The following LHX4 variants were observed in gnomAD, a reference collection of about 807,000 sequenced individuals.
LHX4 encodes LIM/homeobox protein Lhx4.
LHX4 carries 16 observed loss-of-function variants against 39.2 expected under a neutral mutation model. That is an observed-to-expected ratio of 0.41 (90% CI 0.28 to 0.62). LHX4 has a LOEUF of 0.62. Ranked by LOEUF, LHX4 falls within the 20% of genes least tolerant of loss-of-function variation. The pLI is 0.33. For synonymous variants in LHX4, 206 were observed against 198.1 expected (o/e 1.04, Z -0.33); for missense variants, 439 against 511.9 (o/e 0.86, Z 1.37).
intron 1 of LHX4, among the ~76,000 whole-genome samples, chr1:180,243,161 G>T (rs1292724375): frequency 1.3e-5 from 2 of 151,934 alleles, no homozygotes; most frequent in East Asian, 1.9e-4. Context: ...GCTAATTTTT[G>T]TTTTTTTAGT....
chr1:180,229,653 C>T, upstream of LHX4, among the ~76,000 whole-genome samples: 1 of 151,672 alleles, frequency 6.6e-6, no homozygotes, highest in Non-Finnish European at 1.5e-5. Flanking sequence ...TCATCGGTTA[C>T]GGAGCGCGCT....
intron 3 of LHX4, chr1:180,270,961 G>A (rs958747755): frequency 1.6e-5 from 5 of 311,270 alleles, no homozygotes; most frequent in Non-Finnish European, 3.2e-5. Flanking sequence ...GAGACAGAGG[G>A]GAGGGCATCT....
At chr1:180,259,840 C>T (rs139668238) in intron 2 of LHX4, among the ~76,000 whole-genome samples, 9 of 151,696 alleles carry the variant, frequency 5.9e-5, no homozygotes, top group African/African-American at 2.2e-4. Context: ...TTGTGTGAGT[C>T]AGTGCCCTGG....
chr1:180,230,786 T>C lies in LHX4; in HGVS notation c.76+181T>C, dbSNP rs2149250461. ...TTGAGGGGGCCAGGCTCTTGGCTGT[T>C]TGGGGCCGAATGTGAACGCCTCCTG... On this transcript the variant is annotated intron_variant, in intron 1 of 5. Coordinates refer to ENST00000263726, the MANE Select transcript of LHX4 (RefSeq NM_033343.4). This position sits in a 1 kb window ranked among gnomAD's most constrained non-coding sequence, Gnocchi z 5.8. Among the ~76,000 whole-genome samples, 1 of 152,200 alleles carries C rather than the reference T, an allele frequency of 6.6e-6. No individual in the cohort carries two copies. The highest frequency in any genetic ancestry group is 6.5e-5 in the Admixed American group (1 of 15,302).
intron 2 of LHX4, among the ~76,000 whole-genome samples, chr1:180,250,585 C>T (rs984473420): frequency 2.0e-5 from 3 of 152,202 alleles, no homozygotes; most frequent in Non-Finnish European, 4.4e-5. Flanking sequence ...GACCTCAGAC[C>T]CCACTGGTTT....
Position 180,278,483 on chromosome 1 carries a change from A to G in LHX4, c.*3904A>G, listed in dbSNP as rs1020705944. On this transcript the variant is annotated 3_prime_UTR_variant, in exon 6 of 6. Transcript: ENST00000263726. ...TGCTTGGTAGGACCACACTAAAAGC[A>G]CAGTTTCATGCTGCTAGCTCTGGTA... is the stretch of plus-strand genomic sequence containing the variant. 6.6e-6 allele frequency: 1 copy of G among 152,100 alleles called. No individual in the cohort carries two copies. The highest frequency in any genetic ancestry group is 2.4e-5 in the African/African-American group (1 of 41,380). The allele number at this position is 152,100 out of a possible 1,614,324, so 9.4% of individuals were successfully genotyped here.
chr1:180,264,378 A>AACACACACACACACAC (rs10561933), intron 2 of LHX4, among the ~76,000 whole-genome samples: 1,712 of 145,350 alleles, frequency 0.012, 18 homozygotes, highest in Middle Eastern at 0.018. Flanking sequence ...ACACACACAT[A>AACACACACACACACAC]ACACACACAC....
At position 180,267,179 on chromosome 1, in the gene LHX4, C is replaced by T. The variant is rs559423279; in HGVS notation, c.451+585C>T. ...GTGAGTGCTAAAAGAAGAGGCAGGA[C>T]ACATGCCAGATTCAGGGAGGCTCCG... is the stretch of plus-strand genomic sequence containing the variant. On this transcript the variant is annotated intron_variant, in intron 3 of 5. Coordinates refer to ENST00000263726, the MANE Select transcript of LHX4 (RefSeq NM_033343.4). 2.6e-5 allele frequency among the ~76,000 whole-genome samples: 4 copies of T among 152,326 alleles called. No individual in the cohort carries two copies. In the South Asian group the frequency reaches 6.2e-4, roughly 24 times the overall value.
intron 2 of LHX4, among the ~76,000 whole-genome samples, chr1:180,262,594 T>C (rs1241854164): frequency 6.6e-6 from 1 of 151,994 alleles, no homozygotes; most frequent in African/African-American, 2.4e-5. Context: ...TGTCCTGTGA[T>C]TTCTACCCAT....
chr1:180,263,522 G>T (rs1648192137), intron 2 of LHX4, among the ~76,000 whole-genome samples: 1 of 152,208 alleles, frequency 6.6e-6, no homozygotes, highest in Admixed American at 6.5e-5. Flanking sequence ...CTCGGCAAGG[G>T]TCCCGCTGGC....
At chr1:180,252,960 T>G (rs1647692379) in intron 2 of LHX4, among the ~76,000 whole-genome samples, 1 of 149,012 alleles carries the variant, frequency 6.7e-6, no homozygotes, top group Non-Finnish European at 1.5e-5. Context: ...TTGTTGTTTT[T>G]GCTGCTTGTG....
rs994373161 is a variant in LHX4 at position 180,276,484 on chromosome 1, C to T, written c.*1905C>T. 2 of 152,176 alleles carry T rather than the reference C, an allele frequency of 1.3e-5. No homozygotes were observed. Among genetic ancestry groups the T allele is most frequent in the African/African-American group, 4.8e-5 (2 of 41,434 alleles). The allele number at this position is 152,176 out of a possible 1,614,324, so 9.4% of individuals were successfully genotyped here. A position where few individuals can be genotyped will look rare whatever the true frequency, so the allele number is the denominator to read the frequency against. On this transcript the variant is annotated 3_prime_UTR_variant, in exon 6 of 6. Coordinates refer to ENST00000263726, the MANE Select transcript of LHX4 (RefSeq NM_033343.4). ...CTTGAGAAGTCTGCAAACATAGACA[C>T]TTCTCTTGAGGTTCCATGTTTATGG...
rs1178686450 is a variant in LHX4 at position 180,234,196 on chromosome 1, TATATATATATATATATATATATATA to T, written c.76+3595_76+3619del. Among the ~76,000 whole-genome samples, 655 of 90,902 alleles carry T rather than the reference TATATATATATATATATATATATATA, an allele frequency of 7.2e-3. 11 individuals are homozygous for T. The highest frequency in any genetic ancestry group is 0.046 in the East Asian group (101 of 2,216). 59.6% of individuals were successfully genotyped at this position (90,902 alleles called of 152,430 possible). A position where few individuals can be genotyped will look rare whatever the true frequency, so the allele number is the denominator to read the frequency against. ...ATATATATATATATATATATATATA[TATATATATATATATATATATATATA>T]ATAGATTGAGATTCTATCATATTCC... On this transcript the variant is annotated intron_variant, in intron 1 of 5. Coordinates refer to ENST00000263726, the MANE Select transcript of LHX4 (RefSeq NM_033343.4). This position sits in a 1 kb window ranked among gnomAD's most constrained non-coding sequence, Gnocchi z 4.8.
intron 2 of LHX4, among the ~76,000 whole-genome samples, chr1:180,264,528 C>T (rs77138926): frequency 1.3e-5 from 2 of 152,268 alleles, no homozygotes; most frequent in East Asian, 1.9e-4. Context: ...CATCCAGAGC[C>T]GACTGTGTGC....
intron 2 of LHX4, among the ~76,000 whole-genome samples, chr1:180,260,341 G>T (rs1017769774): frequency 6.6e-6 from 1 of 151,752 alleles, no homozygotes. Flanking sequence ...CAGGGTGTAG[G>T]ATTTATGCAC....
chr1:180,230,222 G>A (rs1356132945), upstream of LHX4: 11 of 468,196 alleles, frequency 2.3e-5, no homozygotes, highest in East Asian at 1.7e-4. This position sits in a 1 kb window ranked among gnomAD's most constrained non-coding sequence, Gnocchi z 5.8. Flanking sequence ...GGTGGAGGGG[G>A]AGGGGGAAGG....
chr1:180,233,397 G>A (rs971859607), intron 1 of LHX4, among the ~76,000 whole-genome samples: 4 of 152,170 alleles, frequency 2.6e-5, no homozygotes, highest in African/African-American at 9.7e-5. Flanking sequence ...TGTCCCTACG[G>A]CCCGCACCGA....
rs769698383 is a variant in LHX4 at position 180,274,613 on chromosome 1, G to A, written c.*34G>A. 1.3e-6 allele frequency: 2 copies of A among 1,521,626 alleles called. No homozygotes were observed. The highest frequency in any genetic ancestry group is 4.0e-5 in the Admixed American group (2 of 49,968). 94.3% of individuals were successfully genotyped at this position (1,521,626 alleles called of 1,614,324 possible). On this transcript the variant is annotated 3_prime_UTR_variant, in exon 6 of 6. Transcript: ENST00000263726. ...CCTCCCCACCCTACCTGCCCCCCTG[G>A]CTTGAGAGAATATCTTCAAGGATCA...
chr1:180,272,088 T>C (rs1648706918), intron 5 of LHX4, 82 bp downstream of exon 5: 2 of 1,317,360 alleles, frequency 1.5e-6, no homozygotes, highest in South Asian at 2.9e-5. Context: ...AGGAGGGATC[T>C]TTCTTGAGGC....
Sources: gnomAD v4.1 joint callset for allele counts (sites outside exome capture counted in the v4.1 genomes callset) on GRCh38, gnomAD v4.1.1 for gene constraint, Gnocchi (gnomAD v3.1) non-coding constraint, MANE v1.5 for transcripts, NCBI Gene and HGNC (gene_info 2026-07-23, HGNC 2026-07-21) for gene names.